PRUNE2: variants seen among roughly 807,000 people sequenced by gnomAD.
PRUNE2 encodes protein prune homolog 2.
A neutral mutation model predicts 252.0 loss-of-function variants in PRUNE2; 164 were observed. The observed-to-expected ratio is 0.65, with a 90% confidence interval of 0.57 to 0.74. PRUNE2 has a LOEUF of 0.74. Among genes scored for constraint, PRUNE2 ranks in the 30% least tolerant of loss-of-function variants. The pLI is 0.00. For synonymous variants in PRUNE2, 1,292 were observed against 1,350.2 expected, an observed-to-expected ratio of 0.96 and a Z score of 0.94; for missense variants, 3,495 against 3,711.0, an observed-to-expected ratio of 0.94 and a Z score of 1.51.
intron 6 of PRUNE2, among the ~76,000 whole-genome samples, chr9:76,770,179 G>T (rs532492778): frequency 2.0e-5 from 3 of 152,042 alleles, no homozygotes; most frequent in Admixed American, 1.3e-4. Flanking sequence ...AAAACTTTTT[G>T]ACTTCATTTG....
rs767197787 is a variant in PRUNE2, at chr9:76,656,719, C to A, written c.8277-1217G>T. Among the ~76,000 whole-genome samples the A allele has an allele frequency of 3.8e-4, 58 of 152,160 alleles. 1 individual carries two copies. Among genetic ancestry groups the A allele is most frequent in the Non-Finnish European group, 5.1e-4 (35 of 68,022 alleles). On this transcript the variant is annotated intron_variant, in intron 9 of 18. Coordinates refer to ENST00000376718, the MANE Select transcript of PRUNE2 (RefSeq NM_015225.3). ...TGGAGTTGGGATGATGGAGCTAATA[C>A]AATGACCCCTACCTTCAAAAACTCA...
intron 9 of PRUNE2, among the ~76,000 whole-genome samples, chr9:76,674,606 G>C (rs964732844): frequency 1.3e-5 from 2 of 151,122 alleles, no homozygotes; most frequent in Non-Finnish European, 3.0e-5. Flanking sequence ...GCATCGCCAA[G>C]TCAATCCTAA....
chr9:76,812,567 T>C (rs754339227), intron 6 of PRUNE2, among the ~76,000 whole-genome samples: 17 of 152,244 alleles, frequency 1.1e-4, no homozygotes, highest in Non-Finnish European at 1.8e-4. Flanking sequence ...CAAAGAGATA[T>C]ACTTCGACTA....
In PRUNE2 at chr9:76,644,874, C is replaced by T. The variant is rs1435934372; in HGVS notation, c.8593G>A (p.Glu2865Lys). The change falls in exon 12 of 19, where the codon GAG becomes AAG. Residue 2865 changes from glutamate (E) to lysine (K), a missense_variant. Transcript: ENST00000376718. ...TANKDSGQES[E>K]SIPEYTAEEE... ...TCGGCCGTATATTCTGGAATAGACT[C>T]TGACTCTTGGCCAGAATCTTTGTTG... is the stretch of plus-strand genomic sequence containing the variant. 1.9e-6 allele frequency: 3 copies of T among 1,613,862 alleles called. No homozygotes were observed. The highest frequency in any genetic ancestry group is 2.7e-5 in the African/African-American group (2 of 75,032).
At chr9:76,688,315 G>C (rs2044321914) in intron 9 of PRUNE2, among the ~76,000 whole-genome samples, 1 of 152,228 alleles carries the variant, frequency 6.6e-6, no homozygotes, top group Non-Finnish European at 1.5e-5. Flanking sequence ...ATGACCTAAG[G>C]CTGATGAATC....
intron 16 of PRUNE2, among the ~76,000 whole-genome samples, chr9:76,627,416 T>C (rs150620351): frequency 6.6e-4 from 100 of 152,248 alleles, no homozygotes; most frequent in African/African-American, 2.3e-3. Flanking sequence ...TCTGCCTCCA[T>C]ACTTTTTAAA....
chr9:76,798,800 T>A (rs950397013), intron 6 of PRUNE2, among the ~76,000 whole-genome samples: 2 of 152,160 alleles, frequency 1.3e-5, no homozygotes, highest in Non-Finnish European at 2.9e-5. Flanking sequence ...AAGGGTCCTA[T>A]ACTAAACGGT....
intron 6 of PRUNE2, among the ~76,000 whole-genome samples, chr9:76,734,312 G>A (rs2048888328): frequency 6.6e-6 from 1 of 152,098 alleles, no homozygotes; most frequent in African/African-American, 2.4e-5. Context: ...CAGAGGAGAA[G>A]GTGGTACAAG....
chr9:76,691,055 A>G (rs1312335443), intron 9 of PRUNE2, among the ~76,000 whole-genome samples: 1 of 152,198 alleles, frequency 6.6e-6, no homozygotes, highest in East Asian at 1.9e-4. Flanking sequence ...ATTATCTGTT[A>G]TGATTCTAAG....
At chr9:76,844,474 G>A (rs2059564181) in intron 4 of PRUNE2, among the ~76,000 whole-genome samples, 1 of 152,126 alleles carries the variant, frequency 6.6e-6, no homozygotes, top group Non-Finnish European at 1.5e-5. Context: ...TTTTCCTACA[G>A]CCTACAGAAG....
chr9:76,803,034 T>C (rs1448674679), intron 6 of PRUNE2, among the ~76,000 whole-genome samples: 1 of 151,988 alleles, frequency 6.6e-6, no homozygotes, highest in Non-Finnish European at 1.5e-5. Context: ...CAAACCCACA[T>C]TGTTCGCTCT....
At chr9:76,731,731 C>T (rs1348472238) in intron 6 of PRUNE2, among the ~76,000 whole-genome samples, 6 of 152,060 alleles carry the variant, frequency 3.9e-5, no homozygotes, top group African/African-American at 1.2e-4. Flanking sequence ...CATTGGTACA[C>T]TTATTATTTA....
chr9:76,851,555 A>AG (rs1425169924), intron 2 of PRUNE2, among the ~76,000 whole-genome samples: 1 of 137,468 alleles, frequency 7.3e-6, no homozygotes, highest in Non-Finnish European at 1.5e-5. Context: ...CTCGGAAAAA[A>AG]AAAAAACACA....
chr9:76,826,100 T>C (rs1201325860), intron 5 of PRUNE2, among the ~76,000 whole-genome samples: 1 of 152,212 alleles, frequency 6.6e-6, no homozygotes, highest in African/African-American at 2.4e-5. Flanking sequence ...ACAAGCTGTC[T>C]ATTTGCAGGG....
intron 12 of PRUNE2, among the ~76,000 whole-genome samples, chr9:76,642,545 C>T (rs1843032601): frequency 6.6e-6 from 1 of 152,236 alleles, no homozygotes; most frequent in South Asian, 2.1e-4. Flanking sequence ...GTAGCTGGCA[C>T]TTCTCTACTG....
At chr9:76,750,995 A>C (rs1027459476) in intron 6 of PRUNE2, among the ~76,000 whole-genome samples, 6 of 152,334 alleles carry the variant, frequency 3.9e-5, no homozygotes, top group Non-Finnish European at 8.8e-5. Flanking sequence ...ATAAAGATTA[A>C]GGAAAGAAAT....
chr9:76,890,110 T>C (rs1363256578), intron 1 of PRUNE2, among the ~76,000 whole-genome samples: 1 of 152,208 alleles, frequency 6.6e-6, no homozygotes, highest in Non-Finnish European at 1.5e-5. Context: ...ACCAGAAATT[T>C]AGCTCCAACA....
intron 1 of PRUNE2, among the ~76,000 whole-genome samples, chr9:76,865,086 A>G (rs1301105694): frequency 6.6e-6 from 1 of 152,202 alleles, no homozygotes. Flanking sequence ...CTCAGGATTC[A>G]CCCAGTTGAA....
chr9:76,805,617 A>T (rs1808830642), intron 6 of PRUNE2, among the ~76,000 whole-genome samples: 1 of 152,178 alleles, frequency 6.6e-6, no homozygotes, highest in Admixed American at 6.5e-5. Context: ...AAAATAAAAC[A>T]TAAAAATTCT....
Sources: allele counts gnomAD v4.1 joint callset (sites outside exome capture counted in the v4.1 genomes callset), GRCh38; gene constraint gnomAD v4.1.1; transcripts MANE v1.5; gene names NCBI Gene and HGNC (gene_info 2026-07-23, HGNC 2026-07-21).